Variants in BNC2 observed in about 807,000 individuals in gnomAD.
The protein encoded by BNC2 is basonuclin zinc finger protein 2.
BNC2 carries 20 observed loss-of-function variants against 76.3 expected under a neutral mutation model. That is an observed-to-expected ratio of 0.26 (90% CI 0.18 to 0.38). The LOEUF (loss-of-function observed/expected upper bound fraction) is 0.38, where lower values mean the gene tolerates loss of function less well. Ranked by LOEUF, BNC2 falls within the 10% of genes least tolerant of loss-of-function variation. The pLI, the probability that BNC2 is intolerant of heterozygous loss-of-function variation, is 1.00. For synonymous variants in BNC2, 582 were observed against 514.8 expected (o/e 1.13, Z -1.77); for missense variants, 1,382 against 1,399.8 (o/e 0.99, Z 0.20).
At chr9:16,527,931 G>C (rs145693053) in intron 5 of BNC2, among the ~76,000 whole-genome samples, 55 of 152,290 alleles carry the variant, frequency 3.6e-4, no homozygotes, top group Non-Finnish European at 5.7e-4. Context: ...AAAAGGATGA[G>C]ATAACCATGA....
At chr9:16,556,628 C>A (rs1587166695) in intron 4 of BNC2, among the ~76,000 whole-genome samples, 1 of 147,996 alleles carries the variant, frequency 6.8e-6, no homozygotes, top group East Asian at 2.0e-4. Context: ...ATTAGCTGGG[C>A]ATGATGGTGC....
intron 3 of BNC2, among the ~76,000 whole-genome samples, chr9:16,586,199 C>T (rs1819766234): frequency 6.6e-6 from 1 of 152,062 alleles, no homozygotes; most frequent in South Asian, 2.1e-4. Flanking sequence ...GGCTCTCAGA[C>T]ATGAGCTGAA....
At chr9:16,773,056 G>A (rs1825871041) in intron 1 of BNC2, among the ~76,000 whole-genome samples, 1 of 152,168 alleles carries the variant, frequency 6.6e-6, no homozygotes, top group Non-Finnish European at 1.5e-5. Context: ...TGTCTATAGT[G>A]AGTCCTTCAA....
At chr9:16,570,066 C>A (rs1458597348) in intron 4 of BNC2, among the ~76,000 whole-genome samples, 1 of 152,130 alleles carries the variant, frequency 6.6e-6, no homozygotes, top group African/African-American at 2.4e-5. Context: ...AAAATAATCA[C>A]CCTACCCCCC....
chr9:16,440,641 C>T (rs897607787), intron 5 of BNC2, among the ~76,000 whole-genome samples: 4 of 152,200 alleles, frequency 2.6e-5, no homozygotes, highest in Non-Finnish European at 5.9e-5. Context: ...CATCTCATTT[C>T]CATCACCCTT....
intron 3 of BNC2, among the ~76,000 whole-genome samples, chr9:16,632,234 T>C (rs948696997): frequency 6.6e-6 from 1 of 152,142 alleles, no homozygotes; most frequent in South Asian, 2.1e-4. Flanking sequence ...AAACAAGTAT[T>C]TACTGAACCC....
In BNC2 at chr9:16,437,219, G is replaced by A. The variant is rs138237578; in HGVS notation, c.975C>T (p.Phe325=). 8.7e-6 allele frequency: 14 copies of A among 1,614,046 alleles called. No individual in the cohort carries two copies. In the African/African-American group the frequency reaches 1.7e-4, roughly 20 times the overall value. Residue 325 remains phenylalanine (F), a synonymous_variant, in exon 6 of 7, where the codon TTC becomes TTT. Coordinates refer to ENST00000380672, the MANE Select transcript of BNC2 (RefSeq NM_017637.6). ...GTGCTGAGACAGGGTTTATGTACTG[G>A]AATGGAAGCAGAAATGCAAGGCTGT... The part of the protein sequence containing the change: ...IPNSLAFLLP[F]QYINPVSAPL...
At chr9:16,782,137 T>C (rs1191302666) in intron 1 of BNC2, among the ~76,000 whole-genome samples, 1 of 151,836 alleles carries the variant, frequency 6.6e-6, no homozygotes, top group Non-Finnish European at 1.5e-5. Flanking sequence ...ATACAAAAAT[T>C]ATCTGGACGT....
intron 3 of BNC2, among the ~76,000 whole-genome samples, chr9:16,683,664 C>G (rs556117371): frequency 1.3e-5 from 2 of 152,336 alleles, no homozygotes; most frequent in African/African-American, 4.8e-5. Context: ...CTAAAAAATA[C>G]TCCTGAAATA....
At chr9:16,720,372 T>G (rs1824119020) in intron 3 of BNC2, among the ~76,000 whole-genome samples, 1 of 152,178 alleles carries the variant, frequency 6.6e-6, no homozygotes. Context: ...AGAAATTACC[T>G]CTATGAGAAA....
chr9:16,418,696 GCA>G lies in BNC2; in HGVS notation c.*291_*292del, dbSNP rs1302605212. On this transcript the variant is annotated 3_prime_UTR_variant, in exon 7 of 7. Coordinates refer to ENST00000380672, the MANE Select transcript of BNC2 (RefSeq NM_017637.6). ...TGTGTGTGTGTGTGTGTGTGTATGT[GCA>G]TGTGTGTGTGTGTGTGTTTAAAGGG... 7.2e-3 allele frequency: 2,605 copies of G among 360,046 alleles called. 45 individuals carry two copies. Among genetic ancestry groups the G allele is most frequent in the African/African-American group, 0.047 (1,942 of 41,362 alleles). The allele number at this position is 360,046 out of a possible 1,614,324, so 22.3% of individuals were successfully genotyped here.
intron 4 of BNC2, among the ~76,000 whole-genome samples, chr9:16,561,050 C>A (rs1052666322): frequency 2.6e-5 from 4 of 151,906 alleles, no homozygotes; most frequent in Non-Finnish European, 5.9e-5. Flanking sequence ...ACCAGCCTGG[C>A]GAATATAGTG....
At chr9:16,457,682 A>T (rs755713519) in intron 5 of BNC2, among the ~76,000 whole-genome samples, 1 of 152,166 alleles carries the variant, frequency 6.6e-6, no homozygotes, top group Non-Finnish European at 1.5e-5. Context: ...AGATTCCCAG[A>T]AGGAAAGCGC....
At chr9:16,738,625 C>G in intron 1 of BNC2, 140 bp from the exon 2 acceptor site, 1 of 965,990 alleles carries the variant, frequency 1.0e-6, no homozygotes, top group Non-Finnish European at 1.6e-6. Context: ...TTAATAGTTT[C>G]TAAGGCTGAT....
At chr9:16,514,737 G>A (rs1183491113) in intron 5 of BNC2, among the ~76,000 whole-genome samples, 1 of 152,052 alleles carries the variant, frequency 6.6e-6, no homozygotes, top group East Asian at 1.9e-4. Flanking sequence ...TAGTCACCAG[G>A]AACTGTTGTT....
intron 5 of BNC2, among the ~76,000 whole-genome samples, chr9:16,513,367 C>G (rs1822804100): frequency 1.5e-5 from 2 of 133,998 alleles, no homozygotes; most frequent in Admixed American, 1.7e-4. Context: ...AGTGCAGTGG[C>G]ACGATCTCGG....
chr9:16,849,602 A>C (rs926615019), intron 1 of BNC2, among the ~76,000 whole-genome samples: 3 of 151,674 alleles, frequency 2.0e-5, no homozygotes, highest in Non-Finnish European at 2.9e-5. Context: ...CAAGTGACCT[A>C]CTCGCCTCTG....
At chr9:16,554,388 C>T (rs1818758252) in intron 4 of BNC2, among the ~76,000 whole-genome samples, 1 of 152,138 alleles carries the variant, frequency 6.6e-6, no homozygotes, top group Admixed American at 6.6e-5. Context: ...AGTGTAAAGG[C>T]CCTTATCATT....
chr9:16,701,584 A>G (rs575382816), intron 3 of BNC2, among the ~76,000 whole-genome samples: 14 of 152,234 alleles, frequency 9.2e-5, no homozygotes, highest in Non-Finnish European at 1.3e-4. Flanking sequence ...CTTAAGATGC[A>G]GTATGTTCAA....
Sources: gnomAD v4.1 joint callset for allele counts (sites outside exome capture counted in the v4.1 genomes callset) on GRCh38, gnomAD v4.1.1 for gene constraint, MANE v1.5 for transcripts, NCBI Gene and HGNC (gene_info 2026-07-23, HGNC 2026-07-21) for gene names.